Variants in RELN observed in about 807,000 individuals in gnomAD.
RELN encodes reelin.
Under a neutral mutation model 427.6 loss-of-function variants are expected in RELN, and 108 were observed. The observed-to-expected ratio is 0.25, with a 90% confidence interval of 0.22 to 0.30. The LOEUF is 0.30. Among genes scored for constraint, RELN ranks in the 10% least tolerant of loss-of-function variants. The pLI, the probability that RELN is intolerant of heterozygous loss-of-function variation, is 1.00. For missense variants in RELN, 3,715 were observed against 4,302.8 expected, an observed-to-expected ratio of 0.86 and a Z score of 3.82; for synonymous variants, 1,524 against 1,513.4, an observed-to-expected ratio of 1.01 and a Z score of -0.16.
chr7:103,580,593 A>G (rs1584314882), intron 28 of RELN, among the ~76,000 whole-genome samples: 1 of 152,080 alleles, frequency 6.6e-6, no homozygotes. Flanking sequence ...TTTTATTTCA[A>G]TAGTTTTTGG....
chr7:103,488,527 C>T (rs1470692417), intron 60 of RELN, among the ~76,000 whole-genome samples: 1 of 152,204 alleles, frequency 6.6e-6, no homozygotes, highest in Non-Finnish European at 1.5e-5. Flanking sequence ...AGATGTGCAG[C>T]AGTCTACATT....
chr7:103,978,751 T>A (rs1222803628), intron 1 of RELN, among the ~76,000 whole-genome samples: 1 of 152,240 alleles, frequency 6.6e-6, no homozygotes, highest in Non-Finnish European at 1.5e-5. Flanking sequence ...GAGTTCTCTA[T>A]GTTTAAAATA....
intron 28 of RELN, among the ~76,000 whole-genome samples, chr7:103,588,444 A>C (rs776174122): frequency 1.3e-5 from 2 of 152,152 alleles, no homozygotes. Flanking sequence ...ACAAACATAC[A>C]GTAAGATAGA....
rs144978163 is a variant in RELN, at chr7:103,682,174, G to A, written c.1231C>T (p.Leu411Phe). Residue 411 changes from leucine to phenylalanine, a missense_variant, in exon 11 of 65, where the codon CTT (leucine) becomes TTT (phenylalanine). Leu to Phe is a conservative substitution (Grantham distance 22). This residue lies in a region of RELN where 2,208 missense variants were observed against 2,361.7 expected (regional missense o/e 0.93). Transcript: ENST00000428762. Reference sequence around the variant, plus strand: ...TGCTCTTGAATATCTTCTGTGGAAAGATCTACATCCCTGGTGGTGGCAAAA... The same window carrying A: ...TGCTCTTGAATATCTTCTGTGGAAAAATCTACATCCCTGGTGGTGGCAAAA... ...FNFATTRDVD[L>F]STEDIQEQWS... is the part of the protein sequence containing the mutation. 1 of 1,613,972 alleles carries A rather than the reference G, an allele frequency of 6.2e-7. No individual in the cohort carries two copies. Among genetic ancestry groups the A allele is most frequent in the Non-Finnish European group, 8.5e-7 (1 of 1,179,892 alleles).
intron 3 of RELN, among the ~76,000 whole-genome samples, chr7:103,805,113 G>A (rs1213888689): frequency 6.6e-6 from 1 of 151,942 alleles, no homozygotes; most frequent in Admixed American, 6.6e-5. Flanking sequence ...ACTGGATTCT[G>A]CTCTTGATTT....
intron 28 of RELN, among the ~76,000 whole-genome samples, chr7:103,579,525 G>A (rs1477779683): frequency 1.3e-5 from 2 of 151,216 alleles, no homozygotes; most frequent in East Asian, 1.9e-4. Flanking sequence ...CTTGAACCTG[G>A]GAGATGGAGG....
chr7:103,755,374 C>T lies in RELN; in HGVS notation c.545-2160G>A, dbSNP rs1019200525. ...CTGTAATCCCAGCACTTTGGGAGGCCGAGACGGGCCGATCACGAGGTCAGG... is the reference window on the plus strand; with the variant it reads ...CTGTAATCCCAGCACTTTGGGAGGCTGAGACGGGCCGATCACGAGGTCAGG... On this transcript the variant is annotated intron_variant, in intron 4 of 64. Coordinates refer to ENST00000428762, the MANE Select transcript of RELN (RefSeq NM_005045.4). Among the ~76,000 whole-genome samples the T allele has an allele frequency of 2.0e-5, 3 of 151,522 alleles. No individual in the cohort carries two copies. The East Asian group carries it at 5.8e-4, about 29-fold the overall frequency.
chr7:103,740,502 C>T (rs967842641), intron 6 of RELN, among the ~76,000 whole-genome samples: 3 of 152,128 alleles, frequency 2.0e-5, no homozygotes, highest in African/African-American at 4.8e-5. Flanking sequence ...ATAGTACATT[C>T]AATATTGAGT....
At chr7:103,714,564 C>A (rs1178917003) in intron 8 of RELN, among the ~76,000 whole-genome samples, 1 of 152,218 alleles carries the variant, frequency 6.6e-6, no homozygotes, top group African/African-American at 2.4e-5. Flanking sequence ...GCACATCCCA[C>A]CATGCAGAGC....
chr7:103,661,046 G>A (rs187048410), intron 12 of RELN, among the ~76,000 whole-genome samples: 125 of 152,244 alleles, frequency 8.2e-4, no homozygotes, highest in African/African-American at 2.8e-3. Flanking sequence ...TTTTTGGGGG[G>A]AAGCTGGGAA....
At chr7:103,656,090 T>A (rs1833017004) in intron 12 of RELN, among the ~76,000 whole-genome samples, 1 of 152,040 alleles carries the variant, frequency 6.6e-6, no homozygotes, top group Non-Finnish European at 1.5e-5. Flanking sequence ...GTAACCTCAT[T>A]AAGGTCACCT....
rs1860686 is a variant in RELN at position 103,651,997 on chromosome 7, C to T, written c.1764-208G>A. ...CAATCAGTTAAATTACTGCTATAAACAAACTATGTTTCAAAGACAACAAAT... is the reference window on the plus strand; with the variant it reads ...CAATCAGTTAAATTACTGCTATAAATAAACTATGTTTCAAAGACAACAAAT... On this transcript the variant is annotated intron_variant, in intron 14 of 64. Coordinates refer to ENST00000428762, the MANE Select transcript of RELN (RefSeq NM_005045.4). 0.14 allele frequency among the ~76,000 whole-genome samples: 20,995 copies of T among 152,074 alleles called. 1,553 individuals are homozygous for T. The highest frequency in any genetic ancestry group is 0.29 in the Middle Eastern group (85 of 292).
intron 20 of RELN, among the ~76,000 whole-genome samples, chr7:103,618,352 C>G (rs914451782): frequency 6.6e-6 from 1 of 151,704 alleles, no homozygotes; most frequent in Non-Finnish European, 1.5e-5. Flanking sequence ...GATAGCACCA[C>G]CTGTTACTCG....
At chr7:103,962,597 T>C (rs1030276796) in intron 1 of RELN, among the ~76,000 whole-genome samples, 6 of 151,978 alleles carry the variant, frequency 3.9e-5, no homozygotes, top group East Asian at 3.9e-4. Context: ...AAGATGAAAC[T>C]TGAAATGCAT....
At chr7:103,914,286 T>C (rs572272452) in intron 2 of RELN, among the ~76,000 whole-genome samples, 1 of 152,188 alleles carries the variant, frequency 6.6e-6, no homozygotes, top group East Asian at 1.9e-4. Context: ...CTTTAATGAT[T>C]TTCCTTATGT....
At chr7:103,879,788 C>T (rs1794564803) in intron 2 of RELN, among the ~76,000 whole-genome samples, 1 of 152,160 alleles carries the variant, frequency 6.6e-6, no homozygotes, top group South Asian at 2.1e-4. Context: ...GGCCAGTTTT[C>T]TTTAGGACAT....
At chr7:103,503,640 A>G (rs1829109724) in intron 51 of RELN, among the ~76,000 whole-genome samples, 1 of 152,194 alleles carries the variant, frequency 6.6e-6, no homozygotes, top group Non-Finnish European at 1.5e-5. Context: ...ATGACTCTCA[A>G]TACAACACTT....
intron 20 of RELN, among the ~76,000 whole-genome samples, chr7:103,624,061 T>C (rs530424000): frequency 6.6e-6 from 1 of 152,200 alleles, no homozygotes; most frequent in Non-Finnish European, 1.5e-5. Flanking sequence ...CTAGCTCTTA[T>C]GCTAAATGAA....
At chr7:103,754,931 G>C (rs1165343015) in intron 4 of RELN, among the ~76,000 whole-genome samples, 2 of 152,226 alleles carry the variant, frequency 1.3e-5, no homozygotes, top group Middle Eastern at 3.4e-3. Context: ...AGTTGAAGGA[G>C]AGGCCAAAAT....
Sources: allele counts gnomAD v4.1 joint callset (sites outside exome capture counted in the v4.1 genomes callset), GRCh38; gene constraint gnomAD v4.1.1; regional missense constraint gnomAD v4.1.1; transcripts MANE v1.5; gene names NCBI Gene and HGNC (gene_info 2026-07-23, HGNC 2026-07-21).